Variants in CHRM3 observed in about 807,000 individuals in gnomAD.
CHRM3 encodes muscarinic acetylcholine receptor M3.
CHRM3 carries 11 observed loss-of-function variants against 41.8 expected under a neutral mutation model. The ratio of observed to expected loss-of-function variants is 0.26; its 90% confidence interval spans 0.17 to 0.44. The LOEUF is 0.44. Among genes scored for constraint, CHRM3 ranks in the 20% least tolerant of loss-of-function variants. CHRM3 has a pLI of 1.00. For synonymous variants in CHRM3, 297 were observed against 301.4 expected, an observed-to-expected ratio of 0.99 and a Z score of 0.15; for missense variants, 571 against 745.4, an observed-to-expected ratio of 0.77 and a Z score of 2.72.
intron 5 of CHRM3, among the ~76,000 whole-genome samples, chr1:239,737,906 A>G (rs1041967303): frequency 2.6e-5 from 4 of 152,188 alleles, no homozygotes; most frequent in Admixed American, 2.0e-4. Context: ...AAACAAACAA[A>G]CAAAAAATGC....
chr1:239,495,273 G>A (rs1667806987), intron 2 of CHRM3, among the ~76,000 whole-genome samples: 1 of 152,164 alleles, frequency 6.6e-6, no homozygotes, highest in African/African-American at 2.4e-5. Context: ...TGAGGTCATT[G>A]AAATCCATGT....
rs572403682 is a variant in CHRM3, at chr1:239,448,209, A to G, written c.-520-44500A>G. On this transcript the variant is annotated intron_variant, in intron 1 of 6. Coordinates refer to ENST00000676153, the MANE Select transcript of CHRM3 (RefSeq NM_001375978.1). ...GTGATAACATGATAACAATGGCAACATTAATAGTAAGCAACATAATATATG... is the reference window on the plus strand; with the variant it reads ...GTGATAACATGATAACAATGGCAACGTTAATAGTAAGCAACATAATATATG... 1.3e-4 allele frequency among the ~76,000 whole-genome samples: 20 copies of G among 152,358 alleles called. No homozygotes were observed. The South Asian group carries it at 4.1e-3, about 32-fold the overall frequency.
intron 1 of CHRM3, among the ~76,000 whole-genome samples, chr1:239,465,511 T>C (rs757135356): frequency 3.3e-5 from 5 of 152,032 alleles, no homozygotes; most frequent in Admixed American, 1.3e-4. Flanking sequence ...TTTAGAAAGA[T>C]TGGATGTGGT....
chr1:239,902,444 T>C (rs1161008011), intron 6 of CHRM3, among the ~76,000 whole-genome samples: 2 of 152,192 alleles, frequency 1.3e-5, no homozygotes, highest in East Asian at 3.9e-4. Context: ...TTTTCAACTC[T>C]GCTCTATTGC....
intron 6 of CHRM3, among the ~76,000 whole-genome samples, chr1:239,888,391 AAAG>A (rs973728464): frequency 9.2e-5 from 14 of 151,684 alleles, no homozygotes; most frequent in African/African-American, 3.4e-4. Context: ...AAAAAAGAAA[AAAG>A]AAGAAGGGCA....
intron 1 of CHRM3, among the ~76,000 whole-genome samples, chr1:239,417,997 TCGCTTAGACTGTAG>T (rs1661638170): frequency 6.6e-6 from 1 of 152,198 alleles, no homozygotes; most frequent in African/African-American, 2.4e-5. Context: ...AAGTTTCAGA[TCGCTTAGACTGTAG>T]TGCCGGGTCT....
At chr1:239,765,669 T>C (rs1667141560) in intron 5 of CHRM3, among the ~76,000 whole-genome samples, 2 of 151,202 alleles carry the variant, frequency 1.3e-5, no homozygotes, top group Non-Finnish European at 3.0e-5. Context: ...TTTTAACTGC[T>C]GTATTTGATG....
intron 5 of CHRM3, among the ~76,000 whole-genome samples, chr1:239,816,051 A>G (rs1671556294): frequency 1.3e-5 from 2 of 152,116 alleles, no homozygotes; most frequent in Non-Finnish European, 2.9e-5. Context: ...GGAAAAAAGA[A>G]CAGACTTCCA....
intron 6 of CHRM3, among the ~76,000 whole-genome samples, chr1:239,880,083 A>G (rs1197456560): frequency 6.6e-6 from 1 of 152,096 alleles, no homozygotes; most frequent in Admixed American, 6.5e-5. Context: ...CCCAAACCCA[A>G]CTCTCCAAAG....
chr1:239,638,806 G>A (rs1219382588), intron 4 of CHRM3, among the ~76,000 whole-genome samples: 4 of 152,094 alleles, frequency 2.6e-5, no homozygotes, highest in Non-Finnish European at 4.4e-5. Context: ...TGTTGCCATT[G>A]CTTTTGGTGT....
chr1:239,653,324 A>G (rs530009193), intron 4 of CHRM3, among the ~76,000 whole-genome samples: 47 of 152,258 alleles, frequency 3.1e-4, no homozygotes, highest in African/African-American at 1.1e-3. Context: ...GAGGAGTTTG[A>G]TCAGACACAG....
At chr1:239,404,410 A>AAGAAAGAGAAAG (rs1210507333) in intron 1 of CHRM3, among the ~76,000 whole-genome samples, 1 of 51,770 alleles carries the variant, frequency 1.9e-5, no homozygotes, top group African/African-American at 6.4e-5. Flanking sequence ...GAAAGAAAGA[A>AAGAAAGAGAAAG]AAAGAAAGAA....
chr1:239,761,951 C>T (rs1472735387), intron 5 of CHRM3, among the ~76,000 whole-genome samples: 1 of 152,178 alleles, frequency 6.6e-6, no homozygotes, highest in Non-Finnish European at 1.5e-5. Flanking sequence ...TCTGTTTGAA[C>T]GTCCCTTCCC....
At chr1:239,671,238 CTG>C (rs1174285202) in intron 4 of CHRM3, among the ~76,000 whole-genome samples, 4 of 152,172 alleles carry the variant, frequency 2.6e-5, no homozygotes, top group African/African-American at 9.7e-5. Flanking sequence ...ACCAAACTCA[CTG>C]TGGGTTCTCT....
chr1:239,443,503 A>G (rs1231858703), intron 1 of CHRM3, among the ~76,000 whole-genome samples: 1 of 152,210 alleles, frequency 6.6e-6, no homozygotes, highest in Non-Finnish European at 1.5e-5. Flanking sequence ...TTGAAACTGC[A>G]GAGATCACAT....
Position 239,908,927 on chromosome 1 carries a change from C to A in CHRM3, c.1476C>A (p.Thr492=). 1 of 1,614,078 alleles carries A rather than the reference C, an allele frequency of 6.2e-7. No individual in the cohort carries two copies. The change falls in exon 7 of 7, where the codon ACC becomes ACA. Residue 492 remains threonine (T), a synonymous_variant. Transcript: ENST00000676153. The surrounding 1 kb of genome is among the most constrained non-coding windows in gnomAD (Gnocchi z 7.2). ...SLVKEKKAAQ[T]LSAILLAFII... is the part of the protein sequence containing the mutation. ...TCAAGGAGAAGAAAGCGGCCCAGAC[C>A]CTCAGTGCGATCTTGCTTGCCTTCA...
chr1:239,421,176 G>C (rs1219026436), intron 1 of CHRM3, among the ~76,000 whole-genome samples: 2 of 152,080 alleles, frequency 1.3e-5, no homozygotes, highest in Non-Finnish European at 2.9e-5. Context: ...ACCATACATT[G>C]GTTTGTCATA....
intron 3 of CHRM3, among the ~76,000 whole-genome samples, chr1:239,624,621 T>G (rs1463756129): frequency 6.6e-6 from 1 of 151,490 alleles, no homozygotes; most frequent in African/African-American, 2.4e-5. Context: ...TCTAGGGTAT[T>G]TATGGTTTTA....
intron 4 of CHRM3, among the ~76,000 whole-genome samples, chr1:239,644,556 G>T (rs1671567944): frequency 6.6e-6 from 1 of 152,182 alleles, no homozygotes; most frequent in Non-Finnish European, 1.5e-5. Context: ...GTGAGCTTTA[G>T]GGCAGAGAAT....
Sources: gnomAD v4.1 joint callset for allele counts (sites outside exome capture counted in the v4.1 genomes callset) on GRCh38, gnomAD v4.1.1 for gene constraint, Gnocchi (gnomAD v3.1) non-coding constraint, MANE v1.5 for transcripts, NCBI Gene and HGNC (gene_info 2026-07-23, HGNC 2026-07-21) for gene names.